The following NGF variants were observed in gnomAD, a reference collection of about 807,000 sequenced individuals.
NGF encodes the protein beta-nerve growth factor.
Under a neutral mutation model 12.8 loss-of-function variants are expected in NGF, and 4 were observed. The observed-to-expected ratio is 0.31, with a 90% CI of 0.15 to 0.72. The LOEUF is 0.72. Among genes scored for constraint, NGF ranks in the 30% least tolerant of loss-of-function variants. The pLI is 0.69. For missense variants in NGF, 283 were observed against 330.8 expected, an observed-to-expected ratio of 0.86 and a Z score of 1.12; for synonymous variants, 140 against 130.0, an observed-to-expected ratio of 1.08 and a Z score of -0.52.
At chr1:115,316,014 T>C (rs147840450) in intron 1 of NGF, among the ~76,000 whole-genome samples, 39 of 152,316 alleles carry the variant, frequency 2.6e-4, no homozygotes, top group African/African-American at 9.4e-4. Flanking sequence ...AGGTACCTAC[T>C]ATGCACCCAG....
intron 1 of NGF, among the ~76,000 whole-genome samples, chr1:115,294,128 A>T (rs1274917493): frequency 6.6e-6 from 1 of 152,200 alleles, no homozygotes; most frequent in African/African-American, 2.4e-5. Context: ...AACAGATCCA[A>T]CTCTGAACCA....
chr1:115,337,939 A>C (rs1372690577), intron 1 of NGF, among the ~76,000 whole-genome samples: 1 of 152,120 alleles, frequency 6.6e-6, no homozygotes, highest in Non-Finnish European at 1.5e-5. Flanking sequence ...TGCTCCCTGG[A>C]CTGCAGGCCA....
chr1:115,321,514 A>C (rs1204643536), intron 1 of NGF, among the ~76,000 whole-genome samples: 1 of 151,486 alleles, frequency 6.6e-6, no homozygotes, highest in Non-Finnish European at 1.5e-5. Flanking sequence ...AAAGGACTGC[A>C]GTTCTTTAAT....
chr1:115,299,660 AT>A (rs1327107908), intron 1 of NGF, among the ~76,000 whole-genome samples: 1 of 152,248 alleles, frequency 6.6e-6, no homozygotes, highest in Non-Finnish European at 1.5e-5. Context: ...TCCTTGTAGT[AT>A]AGCCCCTCAG....
intron 1 of NGF, among the ~76,000 whole-genome samples, chr1:115,297,567 C>CA (rs1653910345): frequency 2.0e-5 from 3 of 152,118 alleles, no homozygotes; most frequent in Admixed American, 2.0e-4. Context: ...TGATTAATGG[C>CA]GAACTGTTCA....
chr1:115,306,043 T>C (rs967339257), intron 1 of NGF, among the ~76,000 whole-genome samples: 3 of 152,198 alleles, frequency 2.0e-5, no homozygotes, highest in Non-Finnish European at 1.5e-5. Context: ...GCATCAAATA[T>C]AATATCTTTG....
intron 1 of NGF, among the ~76,000 whole-genome samples, chr1:115,322,272 G>A (rs1654651110): frequency 6.6e-6 from 1 of 152,136 alleles, no homozygotes; most frequent in African/African-American, 2.4e-5. Flanking sequence ...CCTTTCAGGG[G>A]GTACAAATCC....
chr1:115,286,571 C>A lies in NGF; in HGVS notation c.225G>T (p.Arg75Ser), dbSNP rs757701792. 1.9e-6 allele frequency: 3 copies of A among 1,614,152 alleles called. No homozygotes were observed. Among genetic ancestry groups the A allele is most frequent in the African/African-American group, 1.3e-5 (1 of 75,040 alleles). ...AACGGAGTCGCCGCTTTTTAAACAGCCTGGGGTCCACAGTAATGTTGCGGG... is the reference window on the plus strand; with the variant it reads ...AACGGAGTCGCCGCTTTTTAAACAGACTGGGGTCCACAGTAATGTTGCGGG... Reference protein sequence around the residue: ...GQTRNITVDPRLFKKRRLRSP... With the variant: ...GQTRNITVDPSLFKKRRLRSP... Residue 75 changes from arginine to serine, a missense_variant, in exon 3 of 3, where the codon AGG becomes AGT. Physicochemically the swap from Arg to Ser is moderately radical, Grantham distance 110 (BLOSUM62 -1). This residue lies in a region of NGF where 151 missense variants were observed against 141.6 expected (regional missense o/e 1.07). Transcript: ENST00000369512.
intron 1 of NGF, among the ~76,000 whole-genome samples, chr1:115,335,817 C>T (rs1034059374): frequency 1.3e-5 from 2 of 152,208 alleles, no homozygotes; most frequent in African/African-American, 4.8e-5. Flanking sequence ...TGTGTAGTTT[C>T]CCTGCTGCTC....
At chr1:115,310,729 G>A (rs1654314827) in intron 1 of NGF, among the ~76,000 whole-genome samples, 1 of 152,122 alleles carries the variant, frequency 6.6e-6, no homozygotes, top group African/African-American at 2.4e-5. Flanking sequence ...AGGCTGTTCT[G>A]TTCTCCAAAG....
intron 2 of NGF, among the ~76,000 whole-genome samples, chr1:115,293,194 C>T (rs1653756317): frequency 6.6e-6 from 1 of 152,102 alleles, no homozygotes; most frequent in East Asian, 1.9e-4. Flanking sequence ...AAGTGGAACT[C>T]GGAGCCACAC....
At chr1:115,291,229 A>G (rs1444213678) in intron 2 of NGF, among the ~76,000 whole-genome samples, 1 of 151,470 alleles carries the variant, frequency 6.6e-6, no homozygotes, top group Non-Finnish European at 1.5e-5. Flanking sequence ...ATAAACTTTT[A>G]AGTTTAAAAA....
intron 1 of NGF, among the ~76,000 whole-genome samples, chr1:115,315,689 G>C (rs559674224): frequency 8.5e-5 from 13 of 152,174 alleles, no homozygotes; most frequent in Non-Finnish European, 1.9e-4. Flanking sequence ...ATATAGACAT[G>C]TAGAGTTAGG....
intron 1 of NGF, among the ~76,000 whole-genome samples, chr1:115,334,494 G>A (rs146099278): frequency 3.3e-5 from 5 of 152,306 alleles, no homozygotes; most frequent in Admixed American, 2.6e-4. Flanking sequence ...AAAAGGCAAA[G>A]GATGACACTT....
intron 1 of NGF, among the ~76,000 whole-genome samples, chr1:115,296,447 G>A (rs898123901): frequency 6.6e-6 from 1 of 152,214 alleles, no homozygotes; most frequent in Non-Finnish European, 1.5e-5. Context: ...GAAGAGGGAA[G>A]TTTGGTTTAA....
chr1:115,321,454 T>G (rs928249345), intron 1 of NGF, among the ~76,000 whole-genome samples: 1 of 152,126 alleles, frequency 6.6e-6, no homozygotes, highest in Admixed American at 6.5e-5. Flanking sequence ...AGGACTGAAT[T>G]ATTTCCCATT....
At chr1:115,321,547 G>T (rs902602110) in intron 1 of NGF, among the ~76,000 whole-genome samples, 3 of 150,104 alleles carry the variant, frequency 2.0e-5, no homozygotes, top group Admixed American at 2.0e-4. Context: ...CTCAGAAATG[G>T]CTCCACTTTT....
chr1:115,295,551 A>G (rs1367213637), intron 1 of NGF, among the ~76,000 whole-genome samples: 1 of 151,948 alleles, frequency 6.6e-6, no homozygotes, highest in East Asian at 1.9e-4. Context: ...TAGTCCATAA[A>G]CCCTTCATCT....
chr1:115,309,632 G>A (rs552735276), intron 1 of NGF, among the ~76,000 whole-genome samples: 28 of 152,120 alleles, frequency 1.8e-4, no homozygotes, highest in African/African-American at 6.7e-4. Flanking sequence ...GTGTCCATGT[G>A]TCCTCCTTGT....
Sources: gnomAD v4.1 joint callset for allele counts (sites outside exome capture counted in the v4.1 genomes callset) on GRCh38, gnomAD v4.1.1 for gene constraint, gnomAD v4.1.1 regional missense constraint, MANE v1.5 for transcripts, NCBI Gene and HGNC (gene_info 2026-07-23, HGNC 2026-07-21) for gene names.